PAICS: variants seen among roughly 807,000 people sequenced by gnomAD.
PAICS encodes the protein bifunctional phosphoribosylaminoimidazole carboxylase/phosphoribosylaminoimidazole succinocarboxamide synthetase.
In PAICS, 33 loss-of-function variants were observed where a neutral mutation model predicts 53.7. The observed-to-expected ratio is 0.61, with a 90% CI of 0.47 to 0.82. The LOEUF is 0.82. Among genes scored for constraint, PAICS ranks in the 40% least tolerant of loss-of-function variants. The pLI is 0.00. For missense variants in PAICS, 394 were observed against 494.1 expected, an observed-to-expected ratio of 0.80 and a Z score of 1.92; for synonymous variants, 141 against 167.2, an observed-to-expected ratio of 0.84 and a Z score of 1.21.
upstream of PAICS, among the ~76,000 whole-genome samples, chr4:56,432,077 C>A (rs1234492267): frequency 6.6e-6 from 1 of 152,158 alleles, no homozygotes; most frequent in Non-Finnish European, 1.5e-5. Flanking sequence ...CTAATTGATA[C>A]TCTATTTATT....
At chr4:56,434,017 T>C (rs1321997952), upstream of PAICS, among the ~76,000 whole-genome samples, 2 of 152,214 alleles carry the variant, frequency 1.3e-5, no homozygotes, top group Non-Finnish European at 2.9e-5. Flanking sequence ...TACAAACTAA[T>C]GTTGCTCACA....
intron 7 of PAICS, 74 bp from the exon 8 acceptor site, chr4:56,453,529 A>T: frequency 4.5e-6 from 1 of 223,000 alleles, no homozygotes; most frequent in Non-Finnish European, 6.5e-6. Context: ...GCCTTAAACC[A>T]AAAAAAAAAA....
upstream of PAICS, among the ~76,000 whole-genome samples, chr4:56,432,802 AAT>A (rs200481094): frequency 1.6e-4 from 24 of 147,214 alleles, no homozygotes; most frequent in Non-Finnish European, 2.6e-4. Flanking sequence ...AAAAAAAAAA[AAT>A]CAAGAAGATA....
intron 5 of PAICS, among the ~76,000 whole-genome samples, chr4:56,450,073 G>C (rs1367238114): frequency 6.6e-6 from 1 of 152,012 alleles, no homozygotes; most frequent in South Asian, 2.1e-4. Flanking sequence ...ACACAGGAAC[G>C]GAAAACCAAA....
Position 56,463,152 on chromosome 4 carries a change from A to G in PAICS, c.*3614A>G, listed in dbSNP as rs1411696384. The G allele has an allele frequency of 6.6e-6, 1 of 152,156 alleles. No individual in the cohort carries two copies. The highest frequency in any genetic ancestry group is 2.4e-5 in the African/African-American group (1 of 41,426). The allele number at this position is 152,156 out of a possible 1,614,324, so 9.4% of individuals were successfully genotyped here. ...CCAACCTTAGAAAGCCATTGAAAAG[A>G]GTTGTTTTTAATGGTGTTTTTACAT... On this transcript the variant is annotated 3_prime_UTR_variant, in exon 9 of 9. Transcript: ENST00000512576.
At chr4:56,450,584 T>C (rs1718854081) in intron 5 of PAICS, 35 bp from the exon 6 acceptor site, 3 of 1,119,492 alleles carry the variant, frequency 2.7e-6, no homozygotes, top group Non-Finnish European at 2.6e-6. Flanking sequence ...TAGCAAGAGA[T>C]ACTTGTTTTC....
At chr4:56,437,165 GTGTA>G (rs1718043245) in intron 1 of PAICS, among the ~76,000 whole-genome samples, 1 of 151,378 alleles carries the variant, frequency 6.6e-6, no homozygotes, top group African/African-American at 2.4e-5. Context: ...TGTCATGGGT[GTGTA>G]TGTGTGTGCG....
the PAICS span, among the ~76,000 whole-genome samples, chr4:56,429,294 T>C: frequency 6.6e-6 from 1 of 152,214 alleles, no homozygotes; most frequent in African/African-American, 2.4e-5. Flanking sequence ...TGTTTGGTTA[T>C]CATGGTCCTT....
At chr4:56,425,463 TGCTAATCTTAAATACAG>T in the PAICS span, 1 of 829,592 alleles carries the variant, frequency 1.2e-6, no homozygotes, top group African/African-American at 1.8e-5. Flanking sequence ...ATAGGTATGC[TGCTAATCTTAAATACAG>T]GCAACTTGTT....
At chr4:56,452,631 C>T (rs1718976647) in intron 7 of PAICS, among the ~76,000 whole-genome samples, 1 of 152,100 alleles carries the variant, frequency 6.6e-6, no homozygotes, top group Non-Finnish European at 1.5e-5. Context: ...GTAAGAAGCC[C>T]CTGGAGCATT....
At chr4:56,449,588 G>A (rs1681873360) in intron 5 of PAICS, among the ~76,000 whole-genome samples, 1 of 152,030 alleles carries the variant, frequency 6.6e-6, no homozygotes. Context: ...ATTTACAATA[G>A]CAAAGACATG....
rs759184086 is a variant in PAICS, at chr4:56,448,406, C to T, written c.394-12C>T. On this transcript the variant is annotated splice_polypyrimidine_tract_variant and intron_variant, in intron 3 of 8. Transcript: ENST00000512576. ...GATTGAAGTTAATTGTACTACTATA[C>T]TTTATTCACAGGATGATGCCAATAA... is the stretch of plus-strand genomic sequence containing the variant. 99 of 1,550,368 alleles carry T rather than the reference C, an allele frequency of 6.4e-5. No homozygotes were observed. The highest frequency in any genetic ancestry group is 8.3e-5 in the Non-Finnish European group (95 of 1,143,248).
In PAICS at chr4:56,459,709, C is replaced by T. The variant is rs1258300392; in HGVS notation, c.*171C>T. On this transcript the variant is annotated 3_prime_UTR_variant, in exon 9 of 9. Transcript: ENST00000512576. ...TAATAAACATGAGCATCTAACCCCT[C>T]CTTTCTTAGGCTAGACACCAAGATA... is the stretch of plus-strand genomic sequence containing the variant. 5.5e-5 allele frequency: 29 copies of T among 528,238 alleles called. No individual in the cohort carries two copies. The highest frequency in any genetic ancestry group is 9.1e-5 in the Non-Finnish European group (27 of 296,948). 32.7% of individuals were successfully genotyped at this position (528,238 alleles called of 1,614,324 possible).
the PAICS span, chr4:56,416,566 T>C: frequency 6.5e-6 from 1 of 153,130 alleles, no homozygotes; most frequent in Admixed American, 6.5e-5. Flanking sequence ...TTTCCCTTTT[T>C]GCCAACCCAC....
At chr4:56,410,565 T>C in the PAICS span, 1 of 986,610 alleles carries the variant, frequency 1.0e-6, no homozygotes, top group Non-Finnish European at 1.2e-6. Context: ...GTTAAAGCTT[T>C]GCTAAGTGTC....
upstream of PAICS, among the ~76,000 whole-genome samples, chr4:56,435,042 C>T (rs1426367233): frequency 6.6e-6 from 1 of 152,206 alleles, no homozygotes; most frequent in Non-Finnish European, 1.5e-5. Flanking sequence ...CCCAGCTAGA[C>T]CAAGCAAACC....
At position 56,441,595 on chromosome 4, in the gene PAICS, T is replaced by C. The variant is rs1384748449; in HGVS notation, c.17-68T>C. 9.7e-6 allele frequency: 6 copies of C among 619,664 alleles called. No individual in the cohort carries two copies. In the East Asian group the frequency reaches 1.2e-4, roughly 12 times the overall value. The allele number at this position is 619,664 out of a possible 1,614,324, so 38.4% of individuals were successfully genotyped here. ...CTGTATATTTACAGATTAATTGTTC[T>C]AGGTGATTTAGTCTTCAGCATTCAG... On this transcript the variant is annotated intron_variant, in intron 1 of 8. Transcript: ENST00000512576.
the PAICS span, chr4:56,410,923 A>G: frequency 1.3e-4 from 114 of 902,632 alleles, 1 homozygote; most frequent in Middle Eastern, 4.7e-4. Context: ...AAAAAAAAAA[A>G]AAAAAGAAAA....
chr4:56,428,159 T>C, the PAICS span, among the ~76,000 whole-genome samples: 1 of 152,250 alleles, frequency 6.6e-6, no homozygotes, highest in East Asian at 1.9e-4. Context: ...CTTGGTACTT[T>C]ATGCCATCAC....
Sources: allele counts gnomAD v4.1 joint callset (sites outside exome capture counted in the v4.1 genomes callset), GRCh38; gene constraint gnomAD v4.1.1; transcripts MANE v1.5; gene names NCBI Gene and HGNC (gene_info 2026-07-23, HGNC 2026-07-21).